The following CLDN16 variants were observed in gnomAD, a reference collection of about 807,000 sequenced individuals.
The protein encoded by CLDN16 is claudin 16.
A neutral mutation model predicts 24.6 loss-of-function variants in CLDN16; 13 were observed. That is an observed-to-expected ratio of 0.53 (90% CI 0.34 to 0.84). The LOEUF (loss-of-function observed/expected upper bound fraction) is 0.84. Ranked by LOEUF, CLDN16 falls within the 40% of genes least tolerant of loss-of-function variation. The pLI is 0.01. For missense variants in CLDN16, 298 were observed against 292.7 expected (o/e 1.02, Z -0.13); for synonymous variants, 116 against 106.7 (o/e 1.09, Z -0.54).
intron 1 of CLDN16, among the ~76,000 whole-genome samples, chr3:190,395,272 A>C (rs1718788607): frequency 6.6e-6 from 1 of 152,098 alleles, no homozygotes; most frequent in Non-Finnish European, 1.5e-5. Flanking sequence ...GTGCTCCACA[A>C]ATAACCAGAA....
intron 1 of CLDN16, among the ~76,000 whole-genome samples, chr3:190,359,203 A>C (rs997892451): frequency 4.6e-5 from 7 of 152,094 alleles, no homozygotes; most frequent in Non-Finnish European, 8.8e-5. Context: ...TTTGCATTAC[A>C]ATTTGTCTTA....
At chr3:190,359,119 A>G (rs1717836702) in intron 1 of CLDN16, among the ~76,000 whole-genome samples, 1 of 152,050 alleles carries the variant, frequency 6.6e-6, no homozygotes. Flanking sequence ...TTTTCTGTAT[A>G]TAAATTAATG....
intron 3 of CLDN16, 147 bp from the exon 4 acceptor site, chr3:190,408,167 T>C: frequency 1.3e-6 from 1 of 778,148 alleles, no homozygotes; most frequent in Non-Finnish European, 2.3e-6. Context: ...ACAGAAGAAG[T>C]GTCCGAAGTT....
At chr3:190,390,167 G>T (rs1186378915) in intron 1 of CLDN16, among the ~76,000 whole-genome samples, 8 of 152,210 alleles carry the variant, frequency 5.3e-5, no homozygotes, top group African/African-American at 1.9e-4. Flanking sequence ...TTGAAAAATA[G>T]TTAATATTTC....
At chr3:190,297,592 T>A in the CLDN16 span, among the ~76,000 whole-genome samples, 1 of 122,246 alleles carries the variant, frequency 8.2e-6, no homozygotes, top group East Asian at 2.1e-4. Flanking sequence ...AATATATATC[T>A]ATATAATATA....
At chr3:190,346,978 C>T (rs754565620) in intron 1 of CLDN16, among the ~76,000 whole-genome samples, 5 of 152,214 alleles carry the variant, frequency 3.3e-5, no homozygotes, top group African/African-American at 4.8e-5. Flanking sequence ...GAGGTTTGGG[C>T]GGGGGGACAC....
chr3:190,378,573 G>A (rs1398483756), intron 3 of CLDN16, among the ~76,000 whole-genome samples: 3 of 152,186 alleles, frequency 2.0e-5, no homozygotes, highest in Non-Finnish European at 4.4e-5. Context: ...ATGGGTGCCA[G>A]GCCCTGATTC....
intron 1 of CLDN16, among the ~76,000 whole-genome samples, chr3:190,331,317 C>A (rs1717175583): frequency 6.6e-6 from 1 of 152,158 alleles, no homozygotes; most frequent in Non-Finnish European, 1.5e-5. Context: ...TTACTGAGTA[C>A]ACAGTTTACT....
upstream of CLDN16, among the ~76,000 whole-genome samples, chr3:190,384,138 C>G (rs1718431599): frequency 6.6e-6 from 1 of 152,090 alleles, no homozygotes; most frequent in African/African-American, 2.4e-5. Flanking sequence ...TTATAGCTAG[C>G]ATGGCCTTTC....
At chr3:190,317,616 A>G (rs1487297950), upstream of CLDN16, among the ~76,000 whole-genome samples, 1 of 152,214 alleles carries the variant, frequency 6.6e-6, no homozygotes. Flanking sequence ...TAGCCATATT[A>G]CCTTAGGTTC....
the CLDN16 span, among the ~76,000 whole-genome samples, chr3:190,297,488 A>C: frequency 1.8e-5 from 2 of 113,898 alleles, no homozygotes; most frequent in Non-Finnish European, 3.4e-5. Context: ...TATATATTAT[A>C]TATCTATATT....
At chr3:190,355,885 G>A (rs1717758964) in intron 1 of CLDN16, among the ~76,000 whole-genome samples, 1 of 150,816 alleles carries the variant, frequency 6.6e-6, no homozygotes, top group South Asian at 2.1e-4. Flanking sequence ...GGGGTTTTTT[G>A]TTTGTTGGTT....
At chr3:190,368,783 A>C (rs1718074863) in intron 1 of CLDN16, among the ~76,000 whole-genome samples, 1 of 151,902 alleles carries the variant, frequency 6.6e-6, no homozygotes, top group Non-Finnish European at 1.5e-5. Context: ...TAGAGCATAA[A>C]TAATTGGTTA....
chr3:190,373,839 A>G (rs1196471851), intron 2 of CLDN16, among the ~76,000 whole-genome samples: 2 of 56,350 alleles, frequency 3.5e-5, no homozygotes, highest in Non-Finnish European at 7.1e-5. Flanking sequence ...TAATGTGCCC[A>G]TATTAAAAAA....
At chr3:190,302,458 G>A in the CLDN16 span, among the ~76,000 whole-genome samples, 1 of 152,112 alleles carries the variant, frequency 6.6e-6, no homozygotes, top group African/African-American at 2.4e-5. Flanking sequence ...AAAATATACT[G>A]CGAATGTTAG....
At chr3:190,342,987 G>T (rs1216162772) in intron 1 of CLDN16, among the ~76,000 whole-genome samples, 1 of 152,100 alleles carries the variant, frequency 6.6e-6, no homozygotes, top group Non-Finnish European at 1.5e-5. Flanking sequence ...AAAAGCTTTT[G>T]CATAGCAAAG....
chr3:190,322,815 C>A (rs1166306356), intron 1 of CLDN16, among the ~76,000 whole-genome samples: 1 of 152,150 alleles, frequency 6.6e-6, no homozygotes, highest in East Asian at 1.9e-4. Flanking sequence ...TATTAAAAGG[C>A]ATTTCTACCC....
intron 1 of CLDN16, among the ~76,000 whole-genome samples, chr3:190,362,255 A>G (rs1027658257): frequency 1.3e-5 from 2 of 151,960 alleles, no homozygotes; most frequent in African/African-American, 4.8e-5. Context: ...CAGCATCACT[A>G]TTGTAAAACC....
chr3:190,379,175 A>G (rs2108651930), intron 3 of CLDN16, among the ~76,000 whole-genome samples: 1 of 152,178 alleles, frequency 6.6e-6, no homozygotes, highest in South Asian at 2.1e-4. Flanking sequence ...TCATTTCAAT[A>G]CAATATAAGC....
Sources: allele counts gnomAD v4.1 joint callset (sites outside exome capture counted in the v4.1 genomes callset), GRCh38; gene constraint gnomAD v4.1.1; transcripts MANE v1.5; gene names NCBI Gene and HGNC (gene_info 2026-07-23, HGNC 2026-07-21).